Variants in PTPN13 observed in about 807,000 individuals in gnomAD.
PTPN13 encodes tyrosine-protein phosphatase non-receptor type 13.
Under a neutral mutation model 284.0 loss-of-function variants are expected in PTPN13, and 191 were observed. The ratio of observed to expected loss-of-function variants is 0.67; its 90% CI spans 0.60 to 0.76. The LOEUF is 0.76. Ranked by LOEUF, PTPN13 falls within the 30% of genes least tolerant of loss-of-function variation. PTPN13 has a pLI of 0.00. For missense variants in PTPN13, 2,797 were observed against 2,939.9 expected (o/e 0.95, Z 1.12); for synonymous variants, 986 against 1,022.3 (o/e 0.96, Z 0.68).
At position 86,716,424 on chromosome 4, in the gene PTPN13, G is replaced by A; in HGVS notation, c.1196-106G>A. 8 of 676,316 alleles carry A rather than the reference G, an allele frequency of 1.2e-5. No individual in the cohort carries two copies. In the South Asian group the frequency reaches 1.6e-4, roughly 14 times the overall value. The allele number at this position is 676,316 out of a possible 1,614,324, so 41.9% of individuals were successfully genotyped here. A position where few individuals can be genotyped will look rare whatever the true frequency, so the allele number is the denominator to read the frequency against. ...CACTCCAGCAATTGGTAAATTTAAA[G>A]CAATGTATAAAATGTTTTAGTCCCA... is the stretch of plus-strand genomic sequence containing the variant. On this transcript the variant is annotated intron_variant, in intron 7 of 47. Coordinates refer to ENST00000411767, the MANE Select transcript of PTPN13 (RefSeq NM_080683.3).
chr4:86,721,505 C>T (rs574983251), intron 9 of PTPN13, among the ~76,000 whole-genome samples: 2 of 152,102 alleles, frequency 1.3e-5, no homozygotes, highest in South Asian at 4.2e-4. Context: ...AAAAATAAGG[C>T]TACTTAAGGG....
At chr4:86,768,771 C>T (rs1054013935) in intron 28 of PTPN13, among the ~76,000 whole-genome samples, 8 of 143,328 alleles carry the variant, frequency 5.6e-5, no homozygotes, top group African/African-American at 1.8e-4. Flanking sequence ...AGTACAGTGG[C>T]GCAATCTTGG....
intron 13 of PTPN13, 137 bp downstream of exon 13, chr4:86,734,593 A>T (rs1735288548): frequency 7.9e-7 from 1 of 1,263,082 alleles, no homozygotes; most frequent in Non-Finnish European, 1.1e-6. Flanking sequence ...CTTTCAACAC[A>T]GTTTATCTAA....
chr4:86,663,418 C>T (rs2098313007), intron 2 of PTPN13, among the ~76,000 whole-genome samples: 1 of 152,130 alleles, frequency 6.6e-6, no homozygotes, highest in Non-Finnish European at 1.5e-5. Flanking sequence ...TTAGCAAGGC[C>T]TTTTTGATCA....
Position 86,775,308 on chromosome 4 carries a change from G to A in PTPN13, c.5646G>A (p.Pro1882=), listed in dbSNP as rs117036750. The part of the protein sequence containing the change: ...PRIPMLPHLL[P]DITLTCNKEE... The stretch of plus-strand genomic sequence containing the variant: ...TACCAATGTTGCCTCATTTGCTACC[G>A]GACATAACACTAACGTGCAACAAAG... Residue 1882 remains proline, a synonymous_variant, in exon 34 of 48, where the codon CCG becomes CCA. Coordinates refer to ENST00000411767, the MANE Select transcript of PTPN13 (RefSeq NM_080683.3). The A allele has an allele frequency of 1.7e-3, 2,814 of 1,612,762 alleles. 41 individuals carry two copies. Among genetic ancestry groups the A allele is most frequent in the East Asian group, 0.016 (713 of 44,860 alleles).
Position 86,772,770 on chromosome 4 carries a change from C to T in PTPN13, c.5169-8C>T. On this transcript the variant is annotated splice_polypyrimidine_tract_variant and splice_region_variant and intron_variant, in intron 31 of 47. Transcript: ENST00000411767. ...TTTAAAAATAGTCTTACTTCTTTGTCTCTGTAGTAATCCTTCCCCTCTACC... is the reference window on the plus strand; with the variant it reads ...TTTAAAAATAGTCTTACTTCTTTGTTTCTGTAGTAATCCTTCCCCTCTACC... 1 of 1,587,444 alleles carries T rather than the reference C, an allele frequency of 6.3e-7. No homozygotes were observed. Among genetic ancestry groups the T allele is most frequent in the Non-Finnish European group, 8.5e-7 (1 of 1,170,464 alleles).
At chr4:86,776,760 A>G (rs981355889) in intron 35 of PTPN13, among the ~76,000 whole-genome samples, 4 of 152,254 alleles carry the variant, frequency 2.6e-5, no homozygotes, top group Admixed American at 6.5e-5. Flanking sequence ...ATTTTATAAT[A>G]AAGTGTTGAA....
rs1406725849 is a variant in PTPN13 at position 86,809,824 on chromosome 4, A to G, written c.7139A>G (p.Asp2380Gly). The part of the protein sequence containing the change: ...HLNFTAWPDH[D>G]TPSQPDDLLT... Reference sequence around the variant, plus strand: ...AATTTCACTGCCTGGCCAGACCATGATACACCTTCTCAACCAGATGATCTG... The same window carrying G: ...AATTTCACTGCCTGGCCAGACCATGGTACACCTTCTCAACCAGATGATCTG... Residue 2380 changes from aspartate to glycine, a missense_variant, in exon 46 of 48, where the codon GAT becomes GGT. Asp to Gly is a moderately conservative substitution (Grantham distance 94). Transcript: ENST00000411767. The G allele has an allele frequency of 3.7e-6, 6 of 1,614,064 alleles. No homozygotes were observed. In the South Asian group the frequency reaches 5.5e-5, roughly 15 times the overall value.
At chr4:86,799,316 G>GT in intron 42 of PTPN13, 112 bp downstream of exon 42, 12 of 505,294 alleles carry the variant, frequency 2.4e-5, no homozygotes, top group South Asian at 8.7e-5. Context: ...TACATTATTT[G>GT]CTTTTTTTTT....
chr4:86,608,877 T>A (rs1033939197), intron 1 of PTPN13, among the ~76,000 whole-genome samples: 2 of 152,214 alleles, frequency 1.3e-5, no homozygotes, highest in Non-Finnish European at 2.9e-5. Flanking sequence ...TTTGGTTTGG[T>A]TGATGGCAGT....
intron 26 of PTPN13, among the ~76,000 whole-genome samples, chr4:86,765,825 T>C (rs999250961): frequency 1.2e-4 from 18 of 151,930 alleles, no homozygotes; most frequent in African/African-American, 4.1e-4. Flanking sequence ...CTTGTTTTTT[T>C]TGTTGTTGTT....
intron 2 of PTPN13, among the ~76,000 whole-genome samples, chr4:86,640,961 G>A (rs775401145): frequency 2.6e-5 from 4 of 152,002 alleles, no homozygotes; most frequent in Non-Finnish European, 5.9e-5. Context: ...TGGTTTCTTT[G>A]GCAGTTTGAA....
At chr4:86,638,113 A>C (rs897890422) in intron 2 of PTPN13, among the ~76,000 whole-genome samples, 4 of 152,204 alleles carry the variant, frequency 2.6e-5, no homozygotes, top group African/African-American at 9.7e-5. Context: ...TAGGAATCCA[A>C]CTTACAAGGA....
chr4:86,701,452 A>G lies in PTPN13; in HGVS notation c.846A>G (p.Pro282=), dbSNP rs774777771. The G allele has an allele frequency of 1.9e-6, 3 of 1,613,858 alleles. No homozygotes were observed. In the Admixed American group the frequency reaches 5.0e-5, roughly 27 times the overall value. The change falls in exon 7 of 48, where the codon CCA becomes CCG. Residue 282 remains proline, a synonymous_variant. Coordinates refer to ENST00000411767, the MANE Select transcript of PTPN13 (RefSeq NM_080683.3). ...CTTACCAGTTCAAAACTAGTGGCCC[A>G]GAAAAAAAACCCATCCCTGGCATTG... ...FSPYQFKTSG[P]EKKPIPGIDV... is the part of the protein sequence containing the mutation.
chr4:86,724,464 A>G (rs867835754), intron 10 of PTPN13, among the ~76,000 whole-genome samples: 99 of 152,344 alleles, frequency 6.5e-4, no homozygotes, highest in African/African-American at 2.1e-3. Flanking sequence ...TGCCACTGTG[A>G]TATGTCATCT....
chr4:86,720,605 C>G (rs1448248259), intron 9 of PTPN13, among the ~76,000 whole-genome samples: 1 of 152,106 alleles, frequency 6.6e-6, no homozygotes, highest in Non-Finnish European at 1.5e-5. Flanking sequence ...AAAATACTGT[C>G]CAAATTCCTA....
intron 13 of PTPN13, 111 bp downstream of exon 13, chr4:86,734,567 C>T (rs1735285631): frequency 2.4e-6 from 3 of 1,274,676 alleles, no homozygotes. Context: ...TCTGCTTTAT[C>T]ATAAAAGTAA....
chr4:86,750,156 C>T (rs975728975), intron 17 of PTPN13, among the ~76,000 whole-genome samples: 19 of 152,128 alleles, frequency 1.2e-4, no homozygotes, highest in African/African-American at 4.6e-4. Flanking sequence ...TCATTTCTAA[C>T]TGAAACCTAT....
intron 2 of PTPN13, among the ~76,000 whole-genome samples, chr4:86,657,161 C>T (rs1725935411): frequency 6.6e-6 from 1 of 152,324 alleles, no homozygotes; most frequent in East Asian, 1.9e-4. Flanking sequence ...TTCCCCGACC[C>T]CTTGCACTTC....
Sources: allele counts gnomAD v4.1 joint callset (sites outside exome capture counted in the v4.1 genomes callset), GRCh38; gene constraint gnomAD v4.1.1; transcripts MANE v1.5; gene names NCBI Gene and HGNC (gene_info 2026-07-23, HGNC 2026-07-21).